The following ST3GAL3 variants were observed in gnomAD, a reference collection of about 807,000 sequenced individuals.
ST3GAL3 encodes the protein ST3 beta-galactoside alpha-2,3-sialyltransferase 3.
A neutral mutation model predicts 50.1 loss-of-function variants in ST3GAL3; 21 were observed. The ratio of observed to expected loss-of-function variants is 0.42; its 90% CI spans 0.30 to 0.60. The LOEUF (loss-of-function observed/expected upper bound fraction) is 0.60, where lower values mean the gene tolerates loss of function less well. Among genes scored for constraint, ST3GAL3 ranks in the 20% least tolerant of loss-of-function variants. The pLI is 0.19. For missense variants in ST3GAL3, 353 were observed against 489.4 expected, an observed-to-expected ratio of 0.72 and a Z score of 2.63; for synonymous variants, 183 against 190.0, an observed-to-expected ratio of 0.96 and a Z score of 0.30.
chr1:43,804,095 A>C (rs2059615435), intron 3 of ST3GAL3, among the ~76,000 whole-genome samples: 1 of 152,218 alleles, frequency 6.6e-6, no homozygotes, highest in African/African-American at 2.4e-5. Context: ...TTCTTTGTAC[A>C]GATCTGGGAT....
At chr1:43,787,201 T>C (rs2057456747) in intron 2 of ST3GAL3, among the ~76,000 whole-genome samples, 1 of 152,204 alleles carries the variant, frequency 6.6e-6, no homozygotes, top group African/African-American at 2.4e-5. Context: ...TGGTCACTTG[T>C]ATGGCAGGCC....
chr1:43,793,059 G>A (rs1266747663), intron 3 of ST3GAL3, among the ~76,000 whole-genome samples: 1 of 152,104 alleles, frequency 6.6e-6, no homozygotes, highest in Non-Finnish European at 1.5e-5. Flanking sequence ...CAGCCATGAG[G>A]GTCAGGCAGT....
At chr1:43,722,258 A>G (rs1670854151) in intron 1 of ST3GAL3, among the ~76,000 whole-genome samples, 1 of 151,868 alleles carries the variant, frequency 6.6e-6, no homozygotes, top group Non-Finnish European at 1.5e-5. Context: ...TGACATTGGG[A>G]AGTAAATAAA....
chr1:43,770,706 T>G (rs1006023698), intron 2 of ST3GAL3, among the ~76,000 whole-genome samples: 2 of 152,180 alleles, frequency 1.3e-5, no homozygotes, highest in East Asian at 3.8e-4. Flanking sequence ...AGTTGTTGAT[T>G]GACTGTTAAC....
intron 11 of ST3GAL3, among the ~76,000 whole-genome samples, chr1:43,927,313 A>C (rs2084175858): frequency 6.6e-6 from 1 of 152,240 alleles, no homozygotes; most frequent in South Asian, 2.1e-4. Context: ...CAACAAGAGT[A>C]AAACTCCATC....
rs772998180 is a variant in ST3GAL3, at chr1:43,894,372, T to C, written c.303-11T>C. 25 of 1,613,714 alleles carry C rather than the reference T, an allele frequency of 1.5e-5. No homozygotes were observed. In the Admixed American group the frequency reaches 3.2e-4, roughly 20 times the overall value. ...GTTTTTGTGATCCTCAGCAGTCCTG[T>C]TATATTCCAGGTTCTCCAAGCCAGC... is the stretch of plus-strand genomic sequence containing the variant. On this transcript the variant is annotated splice_polypyrimidine_tract_variant and intron_variant, in intron 5 of 11. Coordinates refer to ENST00000347631, the MANE Select transcript of ST3GAL3 (RefSeq NM_006279.5).
chr1:43,879,353 C>T, intron 5 of ST3GAL3: 1 of 456,162 alleles, frequency 2.2e-6, no homozygotes, highest in Non-Finnish European at 4.4e-6. Context: ...TTCGAACCTT[C>T]ATGGCATGGT....
At chr1:43,837,495 G>A (rs1312862525) in intron 4 of ST3GAL3, among the ~76,000 whole-genome samples, 11 of 152,228 alleles carry the variant, frequency 7.2e-5, no homozygotes, top group Non-Finnish European at 1.5e-5. Flanking sequence ...TAGCCTGAGT[G>A]GAGAGAATAA....
intron 5 of ST3GAL3, among the ~76,000 whole-genome samples, chr1:43,859,736 T>A (rs2069427244): frequency 6.6e-6 from 1 of 152,190 alleles, no homozygotes; most frequent in Non-Finnish European, 1.5e-5. Context: ...GGCATGTGCT[T>A]GAGGCCTGAG....
intron 1 of ST3GAL3, among the ~76,000 whole-genome samples, chr1:43,716,746 A>C (rs1402800795): frequency 6.6e-6 from 1 of 152,146 alleles, no homozygotes; most frequent in Non-Finnish European, 1.5e-5. Context: ...GGACTGCATG[A>C]GGAGGCCGGT....
chr1:43,717,720 C>T (rs894918652), intron 1 of ST3GAL3, among the ~76,000 whole-genome samples: 1 of 151,870 alleles, frequency 6.6e-6, no homozygotes, highest in Non-Finnish European at 1.5e-5. Flanking sequence ...GTTGCCCAGG[C>T]TGGTCTCAAA....
At chr1:43,845,296 TTTA>T (rs1292056234) in intron 5 of ST3GAL3, among the ~76,000 whole-genome samples, 2 of 151,976 alleles carry the variant, frequency 1.3e-5, no homozygotes, top group African/African-American at 2.4e-5. Context: ...GAAGTTTTTT[TTTA>T]TTATTATTAT....
intron 5 of ST3GAL3, among the ~76,000 whole-genome samples, chr1:43,866,602 A>AAAAAAAAC (rs2071383332): frequency 6.6e-6 from 1 of 151,838 alleles, no homozygotes; most frequent in Non-Finnish European, 1.5e-5. Flanking sequence ...AAAAAAAAAA[A>AAAAAAAAC]GATTAAGGAA....
chr1:43,746,565 CCATTCTCCTGCCT>C (rs1683756882), intron 2 of ST3GAL3, among the ~76,000 whole-genome samples: 1 of 150,896 alleles, frequency 6.6e-6, no homozygotes, highest in Non-Finnish European at 1.5e-5. Context: ...TGGGTTCATG[CCATTCTCCTGCCT>C]CAGCCTCCCG....
At chr1:43,771,782 C>A in intron 2 of ST3GAL3, 1 of 384,400 alleles carries the variant, frequency 2.6e-6, no homozygotes. Context: ...ATAGTATCTG[C>A]ACTATCCAGA....
At chr1:43,905,945 GCTCCTCTCCCACC>G (rs2079467401) in intron 9 of ST3GAL3, among the ~76,000 whole-genome samples, 1 of 34,708 alleles carries the variant, frequency 2.9e-5, no homozygotes, top group Non-Finnish European at 5.6e-5. Flanking sequence ...TCCTCCTCCT[GCTCCTCTCCCACC>G]ACTCTCCCCT....
At chr1:43,852,565 C>T (rs774753939) in intron 5 of ST3GAL3, among the ~76,000 whole-genome samples, 17 of 152,248 alleles carry the variant, frequency 1.1e-4, no homozygotes, top group Non-Finnish European at 1.9e-4. Context: ...ACACAGTAGA[C>T]ACTTGGTATT....
intron 9 of ST3GAL3, among the ~76,000 whole-genome samples, chr1:43,911,614 CAGATATATCTATAGATATCTATATCTAT>C (rs2080895282): frequency 7.7e-6 from 1 of 129,084 alleles, no homozygotes; most frequent in African/African-American, 3.6e-5. Flanking sequence ...TAGATATCTA[CAGATATATCTATAGATATCTATATCTAT>C]AGATATATCT....
intron 2 of ST3GAL3, 83 bp from the exon 3 acceptor site, chr1:43,792,019 G>A: frequency 6.6e-7 from 1 of 1,524,018 alleles, no homozygotes; most frequent in Admixed American, 1.7e-5. Flanking sequence ...CTGCTTTGAG[G>A]GAGGGTTTGG....
Sources: allele counts gnomAD v4.1 joint callset (sites outside exome capture counted in the v4.1 genomes callset), GRCh38; gene constraint gnomAD v4.1.1; transcripts MANE v1.5; gene names NCBI Gene and HGNC (gene_info 2026-07-23, HGNC 2026-07-21).